ITGAM: variants seen among roughly 807,000 people sequenced by gnomAD.
ITGAM encodes the protein integrin alpha-M.
ITGAM carries 79 observed loss-of-function variants against 137.5 expected under a neutral mutation model. The ratio of observed to expected loss-of-function variants is 0.57; its 90% CI spans 0.48 to 0.69. The LOEUF (loss-of-function observed/expected upper bound fraction) is 0.69, where lower values mean the gene tolerates loss of function less well. ITGAM is among the 30% of genes least tolerant of loss of function. The pLI is 0.00. For synonymous variants in ITGAM, 583 were observed against 592.3 expected (o/e 0.98, Z 0.23); for missense variants, 1,343 against 1,483.5 (o/e 0.91, Z 1.56).
intron 14 of ITGAM, among the ~76,000 whole-genome samples, chr16:31,314,829 T>TC (rs1302103810): frequency 6.4e-4 from 96 of 150,624 alleles, no homozygotes; most frequent in African/African-American, 2.1e-3. Context: ...GGGTTTTTTT[T>TC]TTTTTTTTTT....
At position 31,324,321 on chromosome 16, in the gene ITGAM, A is replaced by G. The variant is rs2080481658; in HGVS notation, c.2003-78A>G. 1.6e-6 allele frequency: 2 copies of G among 1,228,170 alleles called. No homozygotes were observed. The highest frequency in any genetic ancestry group is 2.3e-6 in the Non-Finnish European group (2 of 860,608). 76.1% of individuals were successfully genotyped at this position (1,228,170 alleles called of 1,614,324 possible). ...CCCAAGTCACACAGCTGAGAAGCAG[A>G]GGAGCTGGGCCTTGAACTCCCATCT... On this transcript the variant is annotated intron_variant, in intron 16 of 29. Transcript: ENST00000544665. This position sits in a 1 kb window ranked among gnomAD's most constrained non-coding sequence, Gnocchi z 4.5.
chr16:31,291,142 A>G (rs377378774), intron 12 of ITGAM, among the ~76,000 whole-genome samples: 289 of 152,274 alleles, frequency 1.9e-3, no homozygotes, highest in African/African-American at 6.7e-3. Context: ...TAAGATGTCA[A>G]TTCTCCCTGG....
At chr16:31,263,514 C>A (rs1457202627) in intron 2 of ITGAM, among the ~76,000 whole-genome samples, 1 of 152,078 alleles carries the variant, frequency 6.6e-6, no homozygotes, top group Admixed American at 6.6e-5. Context: ...CACTCATTTG[C>A]CAACTCAGTG....
intron 12 of ITGAM, among the ~76,000 whole-genome samples, chr16:31,292,646 T>TA (rs1238580198): frequency 6.6e-6 from 1 of 152,176 alleles, no homozygotes; most frequent in Non-Finnish European, 1.5e-5. Flanking sequence ...TACCACATTT[T>TA]AAAAAATCCT....
At chr16:31,329,073 T>TGCCCCCCCCCC in intron 23 of ITGAM, 155 bp from the exon 24 acceptor site, 4 of 426,236 alleles carry the variant, frequency 9.4e-6, no homozygotes, top group Non-Finnish European at 1.3e-5. Context: ...ACACATTGGT[T>TGCCCCCCCCCC]CCCCCATCCC....
At chr16:31,267,466 C>CAA (rs2079782293) in intron 5 of ITGAM, among the ~76,000 whole-genome samples, 1 of 152,094 alleles carries the variant, frequency 6.6e-6, no homozygotes, top group Admixed American at 6.6e-5. Flanking sequence ...AATTTGTTGA[C>CAA]AAATTCTAAA....
intron 9 of ITGAM, 107 bp downstream of exon 9, chr16:31,275,806 C>A: frequency 1.9e-6 from 2 of 1,061,254 alleles, no homozygotes; most frequent in African/African-American, 1.6e-5. Context: ...TATCCCCCAG[C>A]ATCAACTCTC....
chr16:31,308,664 T>C (rs1487468563), intron 14 of ITGAM, among the ~76,000 whole-genome samples: 2 of 152,256 alleles, frequency 1.3e-5, no homozygotes, highest in South Asian at 2.1e-4. Flanking sequence ...AGTTCTGCTC[T>C]AATCTTAGTT....
intron 12 of ITGAM, among the ~76,000 whole-genome samples, chr16:31,286,202 A>G (rs992764495): frequency 6.6e-6 from 1 of 151,804 alleles, no homozygotes; most frequent in Non-Finnish European, 1.5e-5. Flanking sequence ...ATGGTGGCGT[A>G]GTATTTGATG....
chr16:31,305,656 CT>C (rs34766924), intron 14 of ITGAM, among the ~76,000 whole-genome samples: 3 of 151,784 alleles, frequency 2.0e-5, no homozygotes, highest in Non-Finnish European at 4.4e-5. Context: ...TATTGAAAGC[CT>C]TTTTTTAATC....
Position 31,324,736 on chromosome 16 carries a change from T to G in ITGAM, c.2243T>G (p.Leu748Arg), listed in dbSNP as rs2080488358. ...ACGCCATTGTCTGCTTTCGGGAACC[T>G]CCGGCCAGTGCTGGCGGAGGATGCT... ...VGTPLSAFGN[L>R]RPVLAEDAQR... The change falls in exon 18 of 30, where the codon CTC (leucine) becomes CGC (arginine). Residue 748 changes from leucine (L) to arginine (R), a missense_variant. Physicochemically the swap from Leu to Arg is moderately radical, Grantham distance 102. Transcript: ENST00000544665. The surrounding 1 kb of genome is among the most constrained non-coding windows in gnomAD (Gnocchi z 4.5). The G allele has an allele frequency of 6.3e-7, 1 of 1,594,562 alleles. No homozygotes were observed. Among genetic ancestry groups the G allele is most frequent in the African/African-American group, 1.3e-5 (1 of 74,182 alleles).
At chr16:31,301,451 A>G (rs1312349683) in intron 14 of ITGAM, among the ~76,000 whole-genome samples, 1 of 152,140 alleles carries the variant, frequency 6.6e-6, no homozygotes. Context: ...GTACCATACT[A>G]TTTTAAGTAC....
At position 31,331,398 on chromosome 16, in the gene ITGAM, C is replaced by G. The variant is rs1222129532; in HGVS notation, c.3387+123C>G. ...GACTGGGGCGAGTCTGGGAGCCTCT[C>G]TGCGCCTCAGTCTCTTAGGGAGGGT... On this transcript the variant is annotated intron_variant, in intron 29 of 29. Coordinates refer to ENST00000544665, the MANE Select transcript of ITGAM (RefSeq NM_000632.4). The G allele has an allele frequency of 4.2e-6, 3 of 708,144 alleles. No individual in the cohort carries two copies. In the Admixed American group the frequency reaches 6.8e-5, roughly 16 times the overall value. The allele number at this position is 708,144 out of a possible 1,614,324, so 43.9% of individuals were successfully genotyped here.
At chr16:31,331,072 T>C in intron 28 of ITGAM, 93 bp from the exon 29 acceptor site, 2 of 668,050 alleles carry the variant, frequency 3.0e-6, no homozygotes, top group Non-Finnish European at 5.4e-6. Flanking sequence ...TGAGGAGGGG[T>C]TCCCCACTTG....
At chr16:31,277,941 T>C (rs765295563) in intron 11 of ITGAM, 26 bp from the exon 12 acceptor site, 8 of 1,568,838 alleles carry the variant, frequency 5.1e-6, no homozygotes, top group Non-Finnish European at 6.9e-6. Context: ...GGGAATGCAC[T>C]TCACCTCTCA....
rs1178482207 is a variant in ITGAM at position 31,332,361 on chromosome 16, T to C, written c.*654T>C. On this transcript the variant is annotated 3_prime_UTR_variant, in exon 30 of 30. Coordinates refer to ENST00000544665, the MANE Select transcript of ITGAM (RefSeq NM_000632.4). ...CCTCCACACCAGCGCTGATGCCCAA[T>C]AAAGATGCCCACTGAGGAATGATGA... is the stretch of plus-strand genomic sequence containing the variant. 1 of 152,292 alleles carries C rather than the reference T, an allele frequency of 6.6e-6. No individual in the cohort carries two copies. Among genetic ancestry groups the C allele is most frequent in the Non-Finnish European group, 1.5e-5 (1 of 68,060 alleles). 9.4% of individuals were successfully genotyped at this position (152,292 alleles called of 1,614,324 possible).
At chr16:31,302,428 C>CTTCTTTCTTTCTTTCTTTCTTTCT (rs201632413) in intron 14 of ITGAM, among the ~76,000 whole-genome samples, 1 of 103,126 alleles carries the variant, frequency 9.7e-6, no homozygotes, top group African/African-American at 5.5e-5. Context: ...TTCTTTCTTT[C>CTTCTTTCTTTCTTTCTTTCTTTCT]TTCTTTCTTT....
chr16:31,286,146 A>C (rs529831382), intron 12 of ITGAM, among the ~76,000 whole-genome samples: 1 of 151,906 alleles, frequency 6.6e-6, no homozygotes, highest in East Asian at 1.9e-4. Flanking sequence ...TATAGCCTCC[A>C]GCTGCATCCA....
At chr16:31,295,912 A>G (rs2080127897) in intron 12 of ITGAM, among the ~76,000 whole-genome samples, 1 of 151,666 alleles carries the variant, frequency 6.6e-6, no homozygotes. Flanking sequence ...GAATTTATTG[A>G]GAGTTTTTAT....
Sources: gnomAD v4.1 joint callset for allele counts (sites outside exome capture counted in the v4.1 genomes callset) on GRCh38, gnomAD v4.1.1 for gene constraint, Gnocchi (gnomAD v3.1) non-coding constraint, MANE v1.5 for transcripts, NCBI Gene and HGNC (gene_info 2026-07-23, HGNC 2026-07-21) for gene names.